The following ATG4B variants were observed in gnomAD, a reference collection of about 807,000 sequenced individuals.
ATG4B encodes the protein autophagy related 4B cysteine peptidase, also known as cysteine protease ATG4B.
A neutral mutation model predicts 56.6 loss-of-function variants in ATG4B; 29 were observed. The ratio of observed to expected loss-of-function variants is 0.51; its 90% CI spans 0.38 to 0.70. The LOEUF is 0.70. Among genes scored for constraint, ATG4B ranks in the 30% least tolerant of loss-of-function variants. ATG4B has a pLI of 0.00. For missense variants in ATG4B, 461 were observed against 515.5 expected, an observed-to-expected ratio of 0.89 and a Z score of 1.02; for synonymous variants, 224 against 206.1, an observed-to-expected ratio of 1.09 and a Z score of -0.74.
At chr2:241,655,467 CAGA>C in intron 6 of ATG4B, 124 bp downstream of exon 6, 1 of 960,198 alleles carries the variant, frequency 1.0e-6, no homozygotes. Flanking sequence ...TCATGGCCCT[CAGA>C]AGGTTTCTCA....
intron 7 of ATG4B, among the ~76,000 whole-genome samples, chr2:241,665,116 T>C (rs2125141410): frequency 6.6e-6 from 1 of 152,302 alleles, no homozygotes; most frequent in African/African-American, 2.4e-5. Flanking sequence ...TGAGACCCCG[T>C]CTCTAAAAGA....
chr2:241,638,785 G>C (rs1172992428), intron 1 of ATG4B, among the ~76,000 whole-genome samples: 1 of 152,224 alleles, frequency 6.6e-6, no homozygotes, highest in Non-Finnish European at 1.5e-5. Context: ...TCCCTAAGGA[G>C]CATGTTGACC....
At chr2:241,655,186 G>C in intron 5 of ATG4B, 85 bp from the exon 6 acceptor site, 1 of 1,409,262 alleles carries the variant, frequency 7.1e-7, no homozygotes, top group Non-Finnish European at 9.8e-7. Flanking sequence ...AGGCCTTCCT[G>C]TGACGTGTCT....
intron 7 of ATG4B, among the ~76,000 whole-genome samples, chr2:241,663,162 G>A (rs961663571): frequency 6.6e-6 from 1 of 152,236 alleles, no homozygotes; most frequent in African/African-American, 2.4e-5. Flanking sequence ...GAACCTGGGA[G>A]GCAGAGGCTA....
intron 3 of ATG4B, 41 bp from the exon 4 acceptor site, chr2:241,653,471 C>T (rs2068283154): frequency 1.3e-6 from 2 of 1,554,040 alleles, no homozygotes; most frequent in East Asian, 4.9e-5. Context: ...CCTGTGGGGC[C>T]ATCTGGCCAT....
At chr2:241,666,624 A>G (rs2125143861) in intron 7 of ATG4B, 21 bp from the exon 8 acceptor site, 1 of 1,612,132 alleles carries the variant, frequency 6.2e-7, no homozygotes, top group East Asian at 2.2e-5. Context: ...TTGGTTAGTG[A>G]AAGCATGTCT....
chr2:241,651,030 C>G lies in ATG4B; in HGVS notation c.31C>G (p.Leu11Val), dbSNP rs1276182540. 1 of 1,613,804 alleles carries G rather than the reference C, an allele frequency of 6.2e-7. No homozygotes were observed. The highest frequency in any genetic ancestry group is 8.5e-7 in the Non-Finnish European group (1 of 1,179,862). MDAATLTYDT[L>V]RFAEFEDFPE... ...AACAGCTACTCTGACCTACGACACTCTCCGGTTTGCTGAGTTTGAAGATTT... is the reference window on the plus strand; with the variant it reads ...AACAGCTACTCTGACCTACGACACTGTCCGGTTTGCTGAGTTTGAAGATTT... Residue 11 changes from leucine (L) to valine (V), a missense_variant, in exon 2 of 13, where the codon CTC becomes GTC. By Grantham distance (32) the Leu-to-Val change is conservative. Coordinates refer to ENST00000404914, the MANE Select transcript of ATG4B (RefSeq NM_013325.5). This position sits in a 1 kb window ranked among gnomAD's most constrained non-coding sequence, Gnocchi z 4.1.
chr2:241,663,976 A>AT (rs1216079335), intron 7 of ATG4B, among the ~76,000 whole-genome samples: 3 of 151,860 alleles, frequency 2.0e-5, no homozygotes, highest in Non-Finnish European at 4.4e-5. Context: ...CGCCTGGCTA[A>AT]TTTTTTGTAT....
At chr2:241,667,445 AAT>A (rs1225258494) in intron 8 of ATG4B, among the ~76,000 whole-genome samples, 1 of 151,854 alleles carries the variant, frequency 6.6e-6, no homozygotes, top group Non-Finnish European at 1.5e-5. Context: ...CTCTACTAAA[AAT>A]ATAAAAATTA....
rs769948335 is a variant in ATG4B at position 241,668,881 on chromosome 2, C to T, written c.957+196C>T. 4.7e-5 allele frequency: 35 copies of T among 743,990 alleles called. No homozygotes were observed. Among genetic ancestry groups the T allele is most frequent in the East Asian group, 8.2e-5 (3 of 36,440 alleles). The allele number at this position is 743,990 out of a possible 1,614,324, so 46.1% of individuals were successfully genotyped here. On this transcript the variant is annotated intron_variant, in intron 10 of 12. Coordinates refer to ENST00000404914, the MANE Select transcript of ATG4B (RefSeq NM_013325.5). The surrounding 1 kb of genome is among the most constrained non-coding windows in gnomAD (Gnocchi z 4.2). ...CCTCACGTCCCTCCCCCAGGCACCA[C>T]CTCCTGTGCAGCCTTCATGGCCTTC...
chr2:241,644,639 A>C (rs768939706), intron 1 of ATG4B, among the ~76,000 whole-genome samples: 1 of 152,098 alleles, frequency 6.6e-6, no homozygotes, highest in African/African-American at 2.4e-5. Context: ...AGACTCCAGA[A>C]CCAAACCTCA....
chr2:241,663,549 G>T (rs985623840), intron 7 of ATG4B, among the ~76,000 whole-genome samples: 1 of 152,226 alleles, frequency 6.6e-6, no homozygotes, highest in African/African-American at 2.4e-5. Context: ...TGTATCTTCA[G>T]TACTAGTATA....
intron 1 of ATG4B, among the ~76,000 whole-genome samples, chr2:241,648,271 T>C (rs2068122229): frequency 6.6e-6 from 1 of 152,154 alleles, no homozygotes; most frequent in Admixed American, 6.5e-5. Flanking sequence ...ATAATGTCTC[T>C]GAAAGCATGG....
At chr2:241,670,910 C>T (rs569054743) in intron 11 of ATG4B, 128 bp downstream of exon 11, 9 of 998,126 alleles carry the variant, frequency 9.0e-6, no homozygotes, top group African/African-American at 3.2e-5. Flanking sequence ...AGCTTTGTCC[C>T]GCCTGGCACA....
intron 7 of ATG4B, 172 bp downstream of exon 7, chr2:241,659,359 CTA>C: frequency 1.4e-6 from 1 of 693,192 alleles, no homozygotes. Flanking sequence ...CCTCGCTCTC[CTA>C]TCCCGGCGGT....
chr2:241,671,079 C>T (rs923353036), intron 11 of ATG4B, among the ~76,000 whole-genome samples: 13 of 152,320 alleles, frequency 8.5e-5, no homozygotes, highest in East Asian at 5.8e-4. Context: ...TGCTGAGCTA[C>T]GCCGGCCGAG....
chr2:241,656,319 C>T (rs557967792), intron 6 of ATG4B, among the ~76,000 whole-genome samples: 55 of 152,158 alleles, frequency 3.6e-4, no homozygotes, highest in Non-Finnish European at 6.8e-4. Context: ...ACGTCACCCC[C>T]GTCCCACATC....
chr2:241,655,158 C>G (rs1324494537), intron 5 of ATG4B, 113 bp from the exon 6 acceptor site: 2 of 1,024,212 alleles, frequency 2.0e-6, no homozygotes, highest in Non-Finnish European at 2.9e-6. Flanking sequence ...CGTCTGGAGG[C>G]TGGGTCGGGT....
At chr2:241,664,928 C>T (rs2068713454) in intron 7 of ATG4B, among the ~76,000 whole-genome samples, 1 of 152,150 alleles carries the variant, frequency 6.6e-6, no homozygotes, top group Admixed American at 6.5e-5. Flanking sequence ...TATGCCACTG[C>T]ACTCCAGCCT....
Sources: allele counts gnomAD v4.1 joint callset (sites outside exome capture counted in the v4.1 genomes callset), GRCh38; gene constraint gnomAD v4.1.1; non-coding constraint Gnocchi (gnomAD v3.1); transcripts MANE v1.5; gene names NCBI Gene and HGNC (gene_info 2026-07-23, HGNC 2026-07-21).